STK17B: variants seen among roughly 807,000 people sequenced by gnomAD.
The protein encoded by STK17B is serine/threonine kinase 17b, also known as serine/threonine-protein kinase 17B.
STK17B carries 21 observed loss-of-function variants against 42.0 expected under a neutral mutation model. The ratio of observed to expected loss-of-function variants is 0.50; its 90% CI spans 0.35 to 0.72. The LOEUF is 0.72. STK17B is among the 30% of genes least tolerant of loss of function. STK17B has a pLI of 0.00. For synonymous variants in STK17B, 143 were observed against 148.4 expected (o/e 0.96, Z 0.26); for missense variants, 349 against 446.0 (o/e 0.78, Z 1.96).
intron 6 of STK17B, among the ~76,000 whole-genome samples, chr2:196,140,318 T>A (rs2105675994): frequency 6.6e-6 from 1 of 152,332 alleles, no homozygotes; most frequent in East Asian, 1.9e-4. Context: ...TATTTAGCCA[T>A]ACCATCTTTT....
intron 7 of STK17B, 67 bp from the exon 8 acceptor site, chr2:196,137,796 T>C (rs1010765040): frequency 1.3e-6 from 2 of 1,514,066 alleles, no homozygotes; most frequent in East Asian, 2.3e-5. Flanking sequence ...TTCAGTTTGA[T>C]AGATTATAGA....
intron 2 of STK17B, among the ~76,000 whole-genome samples, chr2:196,157,501 C>CTTTCAACACAAAT (rs1699755300): frequency 6.6e-6 from 1 of 152,048 alleles, no homozygotes; most frequent in Non-Finnish European, 1.5e-5. Flanking sequence ...TTTTTACCAC[C>CTTTCAACACAAAT]TTTGAAACTA....
At chr2:196,142,642 A>G (rs1699509876) in intron 5 of STK17B, among the ~76,000 whole-genome samples, 1 of 152,244 alleles carries the variant, frequency 6.6e-6, no homozygotes. Flanking sequence ...CCTTTAAATC[A>G]TATACAGTCA....
chr2:196,155,599 T>C (rs976432575), intron 3 of STK17B, among the ~76,000 whole-genome samples: 1 of 152,198 alleles, frequency 6.6e-6, no homozygotes, highest in Admixed American at 6.5e-5. Context: ...CTCTTCTTGG[T>C]TTATCATAAA....
rs190316595 is a variant in STK17B, at chr2:196,156,553, C to T, written c.221G>A (p.Arg74Gln). The change falls in exon 3 of 8, where the codon CGA becomes CAA. Residue 74 changes from arginine (R) to glutamine (Q), a missense_variant. Coordinates refer to ENST00000263955, the MANE Select transcript of STK17B (RefSeq NM_004226.4). The part of the protein sequence containing the change: ...LKKRRRGQDC[R>Q]AEILHEIAVL... ...AGCAATCTCGTGTAAAATTTCTGCTCGACAATCCTGTCCTCTTCTTCTCTT... is the reference window on the plus strand; with the variant it reads ...AGCAATCTCGTGTAAAATTTCTGCTTGACAATCCTGTCCTCTTCTTCTCTT... 1.1e-5 allele frequency: 17 copies of T among 1,614,002 alleles called. No individual in the cohort carries two copies. Among genetic ancestry groups the T allele is most frequent in the Middle Eastern group, 1.7e-4 (1 of 6,058 alleles).
rs777128831 is a variant in STK17B at position 196,137,585 on chromosome 2, T to C, written c.981A>G (p.Lys327=). ...SVRSSEDKTS[K]SSCNGTCGDR... ...CACCACAGGTTCCATTACAGGAGGA[T>C]TTAGAAGTCTTGTCTTCAGAGGACC... is the stretch of plus-strand genomic sequence containing the variant. Residue 327 remains lysine, a synonymous_variant, in exon 8 of 8, where the codon AAA becomes AAG. Coordinates refer to ENST00000263955, the MANE Select transcript of STK17B (RefSeq NM_004226.4). The C allele has an allele frequency of 2.5e-6, 4 of 1,614,106 alleles. No homozygotes were observed. Among genetic ancestry groups the C allele is most frequent in the Non-Finnish European group, 3.4e-6 (4 of 1,179,994 alleles).
Position 196,136,408 on chromosome 2 carries a change from C to T in STK17B, c.*1039G>A, listed in dbSNP as rs1475108319. On this transcript the variant is annotated 3_prime_UTR_variant, in exon 8 of 8. Coordinates refer to ENST00000263955, the MANE Select transcript of STK17B (RefSeq NM_004226.4). ...AGGAATTTCACACAAGAACTTCAGACGAGCCTGATGTCATGTTTTATGATC... is the reference window on the plus strand; with the variant it reads ...AGGAATTTCACACAAGAACTTCAGATGAGCCTGATGTCATGTTTTATGATC... 6 of 152,572 alleles carry T rather than the reference C, an allele frequency of 3.9e-5. No homozygotes were observed. Among genetic ancestry groups the T allele is most frequent in the Non-Finnish European group, 2.9e-5 (2 of 68,036 alleles). 9.5% of individuals were successfully genotyped at this position (152,572 alleles called of 1,614,324 possible).
At chr2:196,144,425 T>G (rs577314026) in intron 4 of STK17B, among the ~76,000 whole-genome samples, 1 of 133,310 alleles carries the variant, frequency 7.5e-6, no homozygotes, top group East Asian at 2.3e-4. Context: ...AGGTGGAGCT[T>G]GCAGTGAGCC....
rs1699566295 is a variant in STK17B, at chr2:196,145,893, T to C, written c.480+18A>G. 6.5e-7 allele frequency: 1 copy of C among 1,547,632 alleles called. No individual in the cohort carries two copies. The highest frequency in any genetic ancestry group is 1.4e-5 in the African/African-American group (1 of 71,938). On this transcript the variant is annotated intron_variant, in intron 4 of 7. Coordinates refer to ENST00000263955, the MANE Select transcript of STK17B (RefSeq NM_004226.4). Reference sequence around the variant, plus strand: ...GAAGAACACAGATGTTGCATTACTTTAAATCACGTTACGTTACCTTTAAAT... The same window carrying C: ...GAAGAACACAGATGTTGCATTACTTCAAATCACGTTACGTTACCTTTAAAT...
chr2:196,146,197 A>T (rs567057848), intron 3 of STK17B, 142 bp from the exon 4 acceptor site: 2 of 912,162 alleles, frequency 2.2e-6, no homozygotes, highest in South Asian at 4.9e-5. Flanking sequence ...GAAGTGAGAG[A>T]TCTTTAAGGA....
intron 2 of STK17B, 24 bp downstream of exon 2, chr2:196,163,238 A>G (rs779210289): frequency 6.2e-7 from 1 of 1,607,044 alleles, no homozygotes. Flanking sequence ...TTTAGATGGC[A>G]TACACGTCAT....
At position 196,133,591 on chromosome 2, in the gene STK17B, C is replaced by A. The variant is rs6741307; in HGVS notation, c.*3856G>T. The stretch of plus-strand genomic sequence containing the variant: ...TTGTTTTCAGATTTATATGCCTTTA[C>A]AGATATGTTTATTAGACACAAAGAG... On this transcript the variant is annotated 3_prime_UTR_variant, in exon 8 of 8. Coordinates refer to ENST00000263955, the MANE Select transcript of STK17B (RefSeq NM_004226.4). The A allele has an allele frequency of 6.6e-6, 1 of 152,070 alleles. No individual in the cohort carries two copies. The highest frequency in any genetic ancestry group is 1.5e-5 in the Non-Finnish European group (1 of 68,002). 9.4% of individuals were successfully genotyped at this position (152,070 alleles called of 1,614,324 possible).
upstream of STK17B, among the ~76,000 whole-genome samples, chr2:196,172,870 C>T (rs550239260): frequency 1.2e-4 from 18 of 152,126 alleles, no homozygotes; most frequent in African/African-American, 3.9e-4. Context: ...TATAAGAATC[C>T]GTAAGCAATG....
In STK17B at chr2:196,141,929, A is replaced by T. The variant is rs1355229040; in HGVS notation, c.608-632T>A. On this transcript the variant is annotated intron_variant, in intron 5 of 7. Transcript: ENST00000263955. The stretch of plus-strand genomic sequence containing the variant: ...CTGGAAGCTAGAATTTAAAAAAAAA[A>T]TTAGTTTTATTACTTTAGAATTAAT... Among the ~76,000 whole-genome samples, 4 of 149,404 alleles carry T rather than the reference A, an allele frequency of 2.7e-5. No individual in the cohort carries two copies. The South Asian group carries it at 6.4e-4, about 24-fold the overall frequency.
At chr2:196,143,443 G>C (rs1699521490) in intron 5 of STK17B, 117 bp downstream of exon 5, 1 of 1,004,236 alleles carries the variant, frequency 1.0e-6, no homozygotes, top group Non-Finnish European at 1.4e-6. Flanking sequence ...CAAAATACTT[G>C]AACCAATCAA....
intron 2 of STK17B, among the ~76,000 whole-genome samples, chr2:196,158,797 G>T (rs908514374): frequency 6.6e-6 from 1 of 152,004 alleles, no homozygotes; most frequent in Admixed American, 6.6e-5. Flanking sequence ...AGATCCAGAG[G>T]TCAGGAGATC....
chr2:196,145,539 GGATTT>G (rs1481601607), intron 4 of STK17B, among the ~76,000 whole-genome samples: 10 of 152,082 alleles, frequency 6.6e-5, no homozygotes, highest in African/African-American at 2.4e-5. Flanking sequence ...AGGATTAGCA[GGATTT>G]ATTTTCAGAG....
intron 3 of STK17B, chr2:196,156,146 G>A (rs1699734867): frequency 4.7e-6 from 1 of 214,018 alleles, no homozygotes; most frequent in Non-Finnish European, 9.2e-6. Context: ...ATCAGATTGT[G>A]TTCCAGAAAA....
rs1340069852 is a variant in STK17B, at chr2:196,137,619, T to A, written c.947A>T (p.His316Leu). 1 of 1,614,128 alleles carries A rather than the reference T, an allele frequency of 6.2e-7. No homozygotes were observed. The highest frequency in any genetic ancestry group is 2.2e-5 in the East Asian group (1 of 44,858). Reference protein sequence around the residue: ...ETSSSSQTQDHSVRSSEDKTS... With the variant: ...ETSSSSQTQDLSVRSSEDKTS... ...CTTGTCTTCAGAGGACCTTACAGAA[T>A]GATCCTGAGTTTGAGAGGAACTGGA... Residue 316 changes from histidine to leucine, a missense_variant, in exon 8 of 8, where the codon CAT becomes CTT. By Grantham distance (99) the His-to-Leu change is moderately conservative. Transcript: ENST00000263955.
Sources: allele counts gnomAD v4.1 joint callset (sites outside exome capture counted in the v4.1 genomes callset), GRCh38; gene constraint gnomAD v4.1.1; transcripts MANE v1.5; gene names NCBI Gene and HGNC (gene_info 2026-07-23, HGNC 2026-07-21).